The following CACNA2D1 variants were observed in gnomAD, a reference collection of about 807,000 sequenced individuals.
CACNA2D1 encodes voltage-dependent calcium channel subunit alpha-2/delta-1.
In CACNA2D1, 53 loss-of-function variants were observed where a neutral mutation model predicts 171.5. That is an observed-to-expected ratio of 0.31 (90% CI 0.25 to 0.39). CACNA2D1 has a LOEUF of 0.39. Among genes scored for constraint, CACNA2D1 ranks in the 10% least tolerant of loss-of-function variants. CACNA2D1 has a pLI of 1.00. For synonymous variants in CACNA2D1, 442 were observed against 443.1 expected (o/e 1.00, Z 0.03); for missense variants, 903 against 1,299.8 (o/e 0.69, Z 4.69).
chr7:82,155,303 C>A (rs897176978), intron 4 of CACNA2D1, among the ~76,000 whole-genome samples: 2 of 152,188 alleles, frequency 1.3e-5, no homozygotes, highest in African/African-American at 4.8e-5. Context: ...GTACTCACCA[C>A]AAATATTAAA....
At position 81,980,448 on chromosome 7, in the gene CACNA2D1, T is replaced by C. The variant is rs190645830; in HGVS notation, c.1955+2119A>G. Among the ~76,000 whole-genome samples, 180 of 152,220 alleles carry C rather than the reference T, an allele frequency of 1.2e-3. 1 individual carries two copies. The highest frequency in any genetic ancestry group is 4.0e-3 in the African/African-American group (166 of 41,564). On this transcript the variant is annotated intron_variant, in intron 24 of 38. Coordinates refer to ENST00000356860, the MANE Select transcript of CACNA2D1 (RefSeq NM_000722.4). ...TGATAGCTGATCTACAGGATGTAGT[T>C]TGATGGTCCATAGTTTAGAGTGTGG... is the stretch of plus-strand genomic sequence containing the variant.
At chr7:82,275,857 C>A (rs986567405) in intron 3 of CACNA2D1, among the ~76,000 whole-genome samples, 10 of 152,160 alleles carry the variant, frequency 6.6e-5, no homozygotes, top group African/African-American at 2.4e-4. Flanking sequence ...ACATAATAGT[C>A]TCTTAAAGAG....
chr7:82,438,574 C>A (rs180717939), intron 1 of CACNA2D1, among the ~76,000 whole-genome samples: 2 of 152,014 alleles, frequency 1.3e-5, no homozygotes, highest in South Asian at 4.1e-4. Context: ...AGTGCACATA[C>A]AAAAAAATGA....
intron 12 of CACNA2D1, chr7:82,027,652 C>T (rs752775518): frequency 2.6e-5 from 4 of 151,638 alleles, no homozygotes; most frequent in Non-Finnish European, 4.4e-5. Context: ...GCATTTTTTA[C>T]AGATTGGAGG....
chr7:82,299,047 A>G (rs1455178505), intron 3 of CACNA2D1, among the ~76,000 whole-genome samples: 1 of 142,930 alleles, frequency 7.0e-6, no homozygotes, highest in Admixed American at 7.2e-5. Context: ...GGGTGAAAAG[A>G]GCGAGACTCT....
chr7:82,337,004 A>C (rs188753891), intron 2 of CACNA2D1, among the ~76,000 whole-genome samples: 1 of 152,140 alleles, frequency 6.6e-6, no homozygotes, highest in Admixed American at 6.5e-5. Flanking sequence ...CTCTACATAC[A>C]TGTGCCGGAC....
rs1199084944 is a variant in CACNA2D1, at chr7:82,005,437, T to C, written c.1576A>G (p.Asn526Asp). The C allele has an allele frequency of 2.5e-6, 4 of 1,592,270 alleles. No individual in the cohort carries two copies. Among genetic ancestry groups the C allele is most frequent in the Non-Finnish European group, 2.6e-6 (3 of 1,163,716 alleles). The change falls in exon 18 of 39, where the codon AAT becomes GAT. Residue 526 changes from asparagine to aspartate, a missense_variant. Physicochemically the swap from Asn to Asp is conservative, Grantham distance 23. Coordinates refer to ENST00000356860, the MANE Select transcript of CACNA2D1 (RefSeq NM_000722.4). ...DPNGYVLLHPNLQPKNPKSQE... is the reference protein window; with the variant it reads ...DPNGYVLLHPDLQPKNPKSQE... ...TATATACTGACCTTTGGCTGAAGAT[T>C]TGGATGTAATAAAACATAACCATTA...
intron 3 of CACNA2D1, among the ~76,000 whole-genome samples, chr7:82,247,708 T>C (rs900554160): frequency 6.6e-6 from 1 of 152,176 alleles, no homozygotes; most frequent in Admixed American, 6.5e-5. Flanking sequence ...AGAGCCTCCA[T>C]AATAATTTTT....
At position 82,240,703 on chromosome 7, in the gene CACNA2D1, C is replaced by T. The variant is rs184858400; in HGVS notation, c.295-70094G>A. Among the ~76,000 whole-genome samples, 410 of 152,240 alleles carry T rather than the reference C, an allele frequency of 2.7e-3. 3 individuals are homozygous for T. The highest frequency in any genetic ancestry group is 9.2e-3 in the African/African-American group (381 of 41,566). ...TTAGGCCAGGCACGGTGGCTCATGC[C>T]TGTAATCCCAATCTCAGCACTTTGG... On this transcript the variant is annotated intron_variant, in intron 3 of 38. Coordinates refer to ENST00000356860, the MANE Select transcript of CACNA2D1 (RefSeq NM_000722.4).
At chr7:82,276,735 CCTTTTTCTTTTT>C (rs1000828824) in intron 3 of CACNA2D1, among the ~76,000 whole-genome samples, 1 of 150,154 alleles carries the variant, frequency 6.7e-6, no homozygotes, top group Non-Finnish European at 1.5e-5. Context: ...TCCATCTCTC[CCTTTTTCTTTTT>C]CTTTTTCTTT....
intron 1 of CACNA2D1, among the ~76,000 whole-genome samples, chr7:82,358,086 C>G (rs990946589): frequency 3.9e-5 from 6 of 152,172 alleles, no homozygotes; most frequent in Non-Finnish European, 8.8e-5. Context: ...AAACTGACCA[C>G]TTCAATTGTG....
intron 10 of CACNA2D1, among the ~76,000 whole-genome samples, chr7:82,044,804 T>G (rs950516678): frequency 6.6e-6 from 1 of 152,188 alleles, no homozygotes; most frequent in Non-Finnish European, 1.5e-5. Flanking sequence ...AAATTTATTT[T>G]GATTTTCATA....
chr7:82,222,780 C>T (rs1801914089), intron 3 of CACNA2D1, among the ~76,000 whole-genome samples: 1 of 151,930 alleles, frequency 6.6e-6, no homozygotes, highest in East Asian at 1.9e-4. Context: ...GTACCTACCA[C>T]ATACTAGGTA....
intron 34 of CACNA2D1, 48 bp from the exon 35 acceptor site, chr7:81,962,543 G>GT: frequency 8.8e-7 from 1 of 1,141,874 alleles, no homozygotes; most frequent in Non-Finnish European, 1.3e-6. Flanking sequence ...GAAAAAATGT[G>GT]TTTTTACATG....
intron 3 of CACNA2D1, among the ~76,000 whole-genome samples, chr7:82,274,030 G>T (rs1163218205): frequency 6.6e-6 from 1 of 151,956 alleles, no homozygotes; most frequent in Non-Finnish European, 1.5e-5. Context: ...TTTGACCCCT[G>T]GCTACCCCTC....
chr7:82,127,482 T>C (rs1790458769), intron 5 of CACNA2D1, among the ~76,000 whole-genome samples: 1 of 152,184 alleles, frequency 6.6e-6, no homozygotes, highest in Non-Finnish European at 1.5e-5. Flanking sequence ...TTTCAGCAAT[T>C]ACTGTATACT....
At chr7:82,199,525 T>C (rs1799195291) in intron 3 of CACNA2D1, among the ~76,000 whole-genome samples, 1 of 152,116 alleles carries the variant, frequency 6.6e-6, no homozygotes, top group African/African-American at 2.4e-5. Context: ...GTTATTTCAG[T>C]ATACAGAAAC....
intron 12 of CACNA2D1, among the ~76,000 whole-genome samples, chr7:82,025,838 G>T (rs1801826619): frequency 6.6e-6 from 1 of 151,654 alleles, no homozygotes; most frequent in Non-Finnish European, 1.5e-5. Context: ...TTTCCAGATT[G>T]ATCATCTGTC....
At chr7:82,048,711 G>GT (rs1460184595) in intron 10 of CACNA2D1, among the ~76,000 whole-genome samples, 1 of 152,020 alleles carries the variant, frequency 6.6e-6, no homozygotes, top group Non-Finnish European at 1.5e-5. Flanking sequence ...AAATATGATA[G>GT]TTTAATTTAA....
Sources: allele counts gnomAD v4.1 joint callset (sites outside exome capture counted in the v4.1 genomes callset), GRCh38; gene constraint gnomAD v4.1.1; transcripts MANE v1.5; gene names NCBI Gene and HGNC (gene_info 2026-07-23, HGNC 2026-07-21).